The following NWD1 variants were observed in gnomAD, a reference collection of about 807,000 sequenced individuals.
NWD1 encodes NACHT domain- and WD repeat-containing protein 1.
NWD1 carries 129 observed loss-of-function variants against 135.1 expected under a neutral mutation model. The observed-to-expected ratio is 0.96, with a 90% CI of 0.83 to 1.11. The LOEUF is 1.11. NWD1 is among the 50% of genes least tolerant of loss of function. The pLI, the probability that NWD1 is intolerant of heterozygous loss-of-function variation, is 0.00. For synonymous variants in NWD1, 773 were observed against 786.0 expected, an observed-to-expected ratio of 0.98 and a Z score of 0.28; for missense variants, 1,740 against 1,851.3, an observed-to-expected ratio of 0.94 and a Z score of 1.10.
chr19:16,743,057 T>C (rs140557653), intron 4 of NWD1, among the ~76,000 whole-genome samples: 1,787 of 151,040 alleles, frequency 0.012, 50 homozygotes, highest in African/African-American at 0.041. Flanking sequence ...GGATTACACC[T>C]GCACGCCACC....
intron 6 of NWD1, among the ~76,000 whole-genome samples, chr19:16,757,385 A>G (rs918779092): frequency 6.6e-6 from 1 of 152,124 alleles, no homozygotes; most frequent in Non-Finnish European, 1.5e-5. Flanking sequence ...TTGGGAGAGC[A>G]TCCATCCTCC....
intron 9 of NWD1, among the ~76,000 whole-genome samples, chr19:16,764,165 G>A (rs1447446227): frequency 6.6e-6 from 1 of 152,154 alleles, no homozygotes; most frequent in Non-Finnish European, 1.5e-5. Flanking sequence ...CTTGAATCTG[G>A]TGGGTGGAGG....
intron 15 of NWD1, among the ~76,000 whole-genome samples, chr19:16,796,524 G>C (rs1970420901): frequency 6.6e-6 from 1 of 152,170 alleles, no homozygotes; most frequent in African/African-American, 2.4e-5. Context: ...GGAAACAGCA[G>C]CCCAGGCTGT....
rs1191614671 is a variant in NWD1 at position 16,751,471 on chromosome 19, A to G, written c.1769+1060A>G. 2.0e-5 allele frequency among the ~76,000 whole-genome samples: 3 copies of G among 151,144 alleles called. No individual in the cohort carries two copies. The East Asian group carries it at 5.8e-4, about 29-fold the overall frequency. ...AGGAGAGAGAAAGAAAGGAAGAGAG[A>G]AAGAAAGAGAAAGGAAGGAAGGAAG... On this transcript the variant is annotated intron_variant, in intron 6 of 18. Coordinates refer to ENST00000524140, the MANE Select transcript of NWD1 (RefSeq NM_001007525.5).
chr19:16,770,596 C>T (rs557709824), intron 10 of NWD1, among the ~76,000 whole-genome samples: 3 of 152,196 alleles, frequency 2.0e-5, no homozygotes, highest in Admixed American at 1.3e-4. Flanking sequence ...TGTGACCTTG[C>T]AAACCCTTTA....
chr19:16,726,316 G>A (rs1261518568), intron 2 of NWD1, among the ~76,000 whole-genome samples: 2 of 152,012 alleles, frequency 1.3e-5, no homozygotes, highest in African/African-American at 4.8e-5. Context: ...TCACTGTGTT[G>A]CCCTGGCTGG....
chr19:16,811,624 A>T (rs1970928065), intron 18 of NWD1, among the ~76,000 whole-genome samples: 1 of 151,906 alleles, frequency 6.6e-6, no homozygotes, highest in Non-Finnish European at 1.5e-5. Flanking sequence ...AAAAAAGAAA[A>T]GAAAAGAAAA....
At chr19:16,730,677 A>G (rs896432146) in intron 2 of NWD1, among the ~76,000 whole-genome samples, 10 of 149,760 alleles carry the variant, frequency 6.7e-5, no homozygotes, top group Non-Finnish European at 1.5e-4. Flanking sequence ...TGATTGCACC[A>G]CTGCCCTCCA....
rs569846381 is a variant in NWD1 at position 16,772,990 on chromosome 19, C to T, written c.2411-136C>T. 9.3e-4 allele frequency: 664 copies of T among 713,178 alleles called. 1 individual carries two copies. Among genetic ancestry groups the T allele is most frequent in the Middle Eastern group, 2.7e-3 (8 of 2,972 alleles). 44.2% of individuals were successfully genotyped at this position (713,178 alleles called of 1,614,324 possible). A position where few individuals can be genotyped will look rare whatever the true frequency, so the allele number is the denominator to read the frequency against. ...TGGAGAGCAGAGAAGGAGACAGGAG[C>T]GGACAGCAGAGGCCAGTAGCTGAGG... On this transcript the variant is annotated intron_variant, in intron 10 of 18. Transcript: ENST00000524140.
Position 16,749,356 on chromosome 19 carries a change from C to T in NWD1, c.714C>T (p.Val238=). 2 of 1,613,766 alleles carry T rather than the reference C, an allele frequency of 1.2e-6. No individual in the cohort carries two copies. The highest frequency in any genetic ancestry group is 1.1e-5 in the South Asian group (1 of 91,062). Residue 238 remains valine, a synonymous_variant, in exon 6 of 19, where the codon GTC becomes GTT. Coordinates refer to ENST00000524140, the MANE Select transcript of NWD1 (RefSeq NM_001007525.5). ...ACATCACTGACATGCACCCAGGGGT[C>T]CTCAAGACCCACCGCCTGCCGTGGA... ...KSHITDMHPG[V]LKTHRLPWSR...
intron 12 of NWD1, among the ~76,000 whole-genome samples, chr19:16,784,658 C>T (rs1002516982): frequency 3.9e-5 from 6 of 151,998 alleles, no homozygotes; most frequent in Non-Finnish European, 7.4e-5. Context: ...CGGCTGGGCG[C>T]GGTGGCTCAC....
chr19:16,800,117 A>C lies in NWD1; in HGVS notation c.3691A>C (p.Lys1231Gln). ...SHNGSYVYFP[K>Q]IGDKNKVTIW... ...CAATGGAAGCTACGTCTACTTCCCC[A>C]AAATTGGGGACAAAAACAAAGTCAC... Residue 1231 changes from lysine (K) to glutamine (Q), a missense_variant, in exon 17 of 19, where the codon AAA becomes CAA. By Grantham distance (53) the Lys-to-Gln change is moderately conservative (BLOSUM62 1). Transcript: ENST00000524140. 1 of 1,613,856 alleles carries C rather than the reference A, an allele frequency of 6.2e-7. No homozygotes were observed. The highest frequency in any genetic ancestry group is 1.1e-5 in the South Asian group (1 of 91,076).
intron 3 of NWD1, 47 bp from the exon 4 acceptor site, chr19:16,736,587 C>A: frequency 8.3e-7 from 1 of 1,209,240 alleles, no homozygotes; most frequent in South Asian, 1.3e-5. Flanking sequence ...AAAAACAAAT[C>A]ACCTGTCATG....
intron 15 of NWD1, among the ~76,000 whole-genome samples, chr19:16,795,415 CT>C (rs869281364): frequency 0.076 from 10,369 of 136,274 alleles, 296 homozygotes; most frequent in Non-Finnish European, 0.095. Context: ...TGCTAATTAC[CT>C]TTTTTTTTTT....
intron 7 of NWD1, among the ~76,000 whole-genome samples, chr19:16,760,710 C>T (rs2122878000): frequency 6.6e-6 from 1 of 152,276 alleles, no homozygotes; most frequent in African/African-American, 2.4e-5. Context: ...CCTGCCTTAG[C>T]TTCCTGAGTA....
chr19:16,732,376 C>T (rs941113814), intron 3 of NWD1, among the ~76,000 whole-genome samples: 2 of 151,940 alleles, frequency 1.3e-5, no homozygotes, highest in Non-Finnish European at 2.9e-5. Context: ...TGTCATTTAA[C>T]TGTCTGTTGT....
intron 5 of NWD1, 159 bp downstream of exon 5, chr19:16,744,877 G>A: frequency 1.5e-6 from 1 of 679,258 alleles, no homozygotes; most frequent in Non-Finnish European, 2.6e-6. Flanking sequence ...CTGTTTTACT[G>A]ATCCAAGATA....
intron 5 of NWD1, 57 bp downstream of exon 5, chr19:16,744,775 A>T: frequency 7.1e-7 from 1 of 1,417,670 alleles, no homozygotes; most frequent in Non-Finnish European, 9.6e-7. Flanking sequence ...ACGTGTTCAG[A>T]ATATCCATCC....
intron 17 of NWD1, among the ~76,000 whole-genome samples, chr19:16,803,761 A>G: frequency 6.6e-6 from 1 of 151,462 alleles, no homozygotes; most frequent in East Asian, 1.9e-4. Context: ...TACTTAAAAA[A>G]AAAAAAAAAA....
Sources: allele counts gnomAD v4.1 joint callset (sites outside exome capture counted in the v4.1 genomes callset), GRCh38; gene constraint gnomAD v4.1.1; transcripts MANE v1.5; gene names NCBI Gene and HGNC (gene_info 2026-07-23, HGNC 2026-07-21).